Variants in PPP4R3A observed in about 807,000 individuals in gnomAD.
The protein encoded by PPP4R3A is serine/threonine-protein phosphatase 4 regulatory subunit 3A.
In PPP4R3A, 15 loss-of-function variants were observed where a neutral mutation model predicts 91.7. The observed-to-expected ratio is 0.16, with a 90% confidence interval of 0.11 to 0.25. The LOEUF is 0.25. Ranked by LOEUF, PPP4R3A falls within the 10% of genes least tolerant of loss-of-function variation. The pLI is 1.00. For synonymous variants in PPP4R3A, 377 were observed against 348.7 expected (o/e 1.08, Z -0.91); for missense variants, 623 against 998.4 (o/e 0.62, Z 5.07).
At chr14:91,463,023 G>A in intron 11 of PPP4R3A, 146 bp from the exon 12 acceptor site, 1 of 687,100 alleles carries the variant, frequency 1.5e-6, no homozygotes, top group Admixed American at 3.0e-5. Flanking sequence ...ATAAAAAATG[G>A]GAATAACGTA....
intron 1 of PPP4R3A, among the ~76,000 whole-genome samples, chr14:91,502,467 G>A (rs78375408): frequency 0.016 from 2,485 of 152,218 alleles, 76 homozygotes; most frequent in African/African-American, 0.057. Context: ...CCCTTGTACC[G>A]ACACTGAGCT....
At chr14:91,498,342 A>G (rs1380247905) in intron 1 of PPP4R3A, among the ~76,000 whole-genome samples, 1 of 152,140 alleles carries the variant, frequency 6.6e-6, no homozygotes, top group African/African-American at 2.4e-5. Flanking sequence ...CAAAGAAAAA[A>G]AAAAAAAGAC....
At chr14:91,460,320 G>A (rs1307059243) in intron 14 of PPP4R3A, among the ~76,000 whole-genome samples, 1 of 151,944 alleles carries the variant, frequency 6.6e-6, no homozygotes, top group African/African-American at 2.4e-5. Context: ...GCTGCTGCTT[G>A]CTTTATTTCG....
At chr14:91,484,376 C>T (rs1393291102) in intron 3 of PPP4R3A, among the ~76,000 whole-genome samples, 2 of 152,082 alleles carry the variant, frequency 1.3e-5, no homozygotes, top group East Asian at 1.9e-4. Flanking sequence ...AAGCAGGGGG[C>T]GACAAACCAT....
chr14:91,461,257 C>T (rs1888136313), intron 14 of PPP4R3A, 124 bp downstream of exon 14: 15 of 857,024 alleles, frequency 1.8e-5, no homozygotes, highest in Non-Finnish European at 2.7e-5. Flanking sequence ...GGGGACTCAT[C>T]CTCTAGTTCA....
Position 91,476,495 on chromosome 14 carries a change from A to C in PPP4R3A, c.1023T>G (p.Phe341Leu). ...TGTTTTGAGGCTGTAGCGTTTGGGA[A>C]AACGCACAAAATTCTTTTAAAAAGT... ...LVNFLKEFCA[F>L]SQTLQPQNRD... The change falls in exon 6 of 15, where the codon TTT becomes TTG. Residue 341 changes from phenylalanine (F) to leucine (L), a missense_variant. Phe to Leu is a conservative substitution (Grantham distance 22). This residue lies in a region of PPP4R3A where 264 missense variants were observed against 377.3 expected (regional missense o/e 0.70). Coordinates refer to ENST00000554943, the MANE Select transcript of PPP4R3A (RefSeq NM_001366432.2). The C allele has an allele frequency of 1.2e-6, 2 of 1,602,412 alleles. No individual in the cohort carries two copies. Among genetic ancestry groups the C allele is most frequent in the Non-Finnish European group, 1.7e-6 (2 of 1,176,896 alleles).
At chr14:91,461,928 T>C (rs1351035677) in intron 13 of PPP4R3A, 121 bp downstream of exon 13, 5 of 1,383,332 alleles carry the variant, frequency 3.6e-6, no homozygotes, top group Non-Finnish European at 3.8e-6. Flanking sequence ...CATAAAGCAA[T>C]AGAGTCTTTA....
chr14:91,499,437 T>C lies in PPP4R3A; in HGVS notation c.143-8635A>G, dbSNP rs554718149. Among the ~76,000 whole-genome samples the C allele has an allele frequency of 4.6e-5, 7 of 152,194 alleles. No homozygotes were observed. In the South Asian group the frequency reaches 8.3e-4, roughly 18 times the overall value. The stretch of plus-strand genomic sequence containing the variant: ...TGAGATCTGTGTATCCTGACATTAA[T>C]TGATGTCCCAAATATACTGATAATA... On this transcript the variant is annotated intron_variant, in intron 1 of 14. Coordinates refer to ENST00000554943, the MANE Select transcript of PPP4R3A (RefSeq NM_001366432.2).
chr14:91,467,095 T>C (rs74696574), intron 10 of PPP4R3A, among the ~76,000 whole-genome samples: 554 of 152,370 alleles, frequency 3.6e-3, no homozygotes, highest in Non-Finnish European at 6.2e-3. Context: ...CTGGGGTAGA[T>C]AGAAGGAGGT....
chr14:91,509,472 C>T (rs747670824), intron 1 of PPP4R3A, 34 bp downstream of exon 1: 1 of 1,557,640 alleles, frequency 6.4e-7, no homozygotes, highest in East Asian at 2.4e-5. Flanking sequence ...GCCGTGGGGG[C>T]TGCGAGGGTC....
chr14:91,474,817 G>A (rs1191079313), intron 7 of PPP4R3A: 1 of 152,018 alleles, frequency 6.6e-6, no homozygotes, highest in Non-Finnish European at 1.5e-5. Context: ...CTAAAGGAGG[G>A]TCTTGCTATG....
In PPP4R3A at chr14:91,509,942, G is replaced by A. The variant is rs977980345; in HGVS notation, c.-295C>T. 4.9e-6 allele frequency: 5 copies of A among 1,028,836 alleles called. No individual in the cohort carries two copies. The highest frequency in any genetic ancestry group is 1.7e-5 in the African/African-American group (1 of 58,498). The allele number at this position is 1,028,836 out of a possible 1,614,324, so 63.7% of individuals were successfully genotyped here. A position where few individuals can be genotyped will look rare whatever the true frequency, so the allele number is the denominator to read the frequency against. ...GCAGCGCTTCGTAGCCTCCCGCCCC[G>A]CAGCGCTAGGAACTCGGGGCTCCCG... On this transcript the variant is annotated 5_prime_UTR_variant, in exon 1 of 15. Coordinates refer to ENST00000554943, the MANE Select transcript of PPP4R3A (RefSeq NM_001366432.2).
intron 10 of PPP4R3A, among the ~76,000 whole-genome samples, chr14:91,468,011 ACTC>A (rs1240194708): frequency 6.6e-6 from 1 of 151,998 alleles, no homozygotes; most frequent in African/African-American, 2.4e-5. Context: ...TTTGATAAAA[ACTC>A]CTATTGCATA....
At chr14:91,492,358 T>C (rs1395313057) in intron 1 of PPP4R3A, among the ~76,000 whole-genome samples, 1 of 152,262 alleles carries the variant, frequency 6.6e-6, no homozygotes, top group Non-Finnish European at 1.5e-5. Context: ...AGTGGTTAGA[T>C]GGCTAAGAGT....
chr14:91,495,768 A>C (rs1488654164), intron 1 of PPP4R3A, among the ~76,000 whole-genome samples: 3 of 152,124 alleles, frequency 2.0e-5, no homozygotes, highest in Non-Finnish European at 4.4e-5. Context: ...AAATTTTAAA[A>C]ATTAGCCAAG....
chr14:91,474,259 A>T (rs965893298), intron 7 of PPP4R3A, among the ~76,000 whole-genome samples: 1 of 152,250 alleles, frequency 6.6e-6, no homozygotes, highest in African/African-American at 2.4e-5. Context: ...CATTCTAAAT[A>T]TCAAAGAAAA....
At chr14:91,499,439 G>A (rs967651794) in intron 1 of PPP4R3A, among the ~76,000 whole-genome samples, 4 of 152,030 alleles carry the variant, frequency 2.6e-5, no homozygotes, top group Non-Finnish European at 5.9e-5. Flanking sequence ...GACATTAATT[G>A]ATGTCCCAAA....
At position 91,457,706 on chromosome 14, in the gene PPP4R3A, CAAGAA is replaced by C. The variant is rs1225132736; in HGVS notation, c.*1048_*1052del. 1.3e-5 allele frequency: 2 copies of C among 152,628 alleles called. No homozygotes were observed. The highest frequency in any genetic ancestry group is 1.9e-4 in the East Asian group (1 of 5,190). 9.5% of individuals were successfully genotyped at this position (152,628 alleles called of 1,614,324 possible). A position where few individuals can be genotyped will look rare whatever the true frequency, so the allele number is the denominator to read the frequency against. On this transcript the variant is annotated 3_prime_UTR_variant, in exon 15 of 15. Transcript: ENST00000554943. ...TTGATTTAATGTACCGTCATTTCCC[CAAGAA>C]AAGAAATTTCAGAATCTCTTTGGAA...
Position 91,458,582 on chromosome 14 carries a change from A to C in PPP4R3A, c.*177T>G, listed in dbSNP as rs1887912048. 3.4e-6 allele frequency: 3 copies of C among 872,092 alleles called. No individual in the cohort carries two copies. Among genetic ancestry groups the C allele is most frequent in the Non-Finnish European group, 5.8e-6 (3 of 521,540 alleles). The allele number at this position is 872,092 out of a possible 1,614,324, so 54.0% of individuals were successfully genotyped here. ...CTTAAGTCTTTCCCCTAAATATATG[A>C]TATCCCCTCCTCCTGCTCCATTGAA... On this transcript the variant is annotated 3_prime_UTR_variant, in exon 15 of 15. Transcript: ENST00000554943.
Sources: gnomAD v4.1 joint callset for allele counts (sites outside exome capture counted in the v4.1 genomes callset) on GRCh38, gnomAD v4.1.1 for gene constraint, gnomAD v4.1.1 regional missense constraint, MANE v1.5 for transcripts, NCBI Gene and HGNC (gene_info 2026-07-23, HGNC 2026-07-21) for gene names.